The following DMXL1 variants were observed in gnomAD, a reference collection of about 807,000 sequenced individuals.
DMXL1 encodes the protein Dmx like 1, also known as dmX-like protein 1.
Under a neutral mutation model 319.2 loss-of-function variants are expected in DMXL1, and 99 were observed. That is an observed-to-expected ratio of 0.31 (90% CI 0.26 to 0.37). DMXL1 has a LOEUF of 0.37. DMXL1 is among the 10% of genes least tolerant of loss of function. The pLI, the probability that DMXL1 is intolerant of heterozygous loss-of-function variation, is 1.00. For missense variants in DMXL1, 3,745 were observed against 3,595.6 expected (o/e 1.04, Z -1.06); for synonymous variants, 1,385 against 1,235.2 (o/e 1.12, Z -2.54).
At chr5:119,152,980 T>C (rs1218799812) in intron 19 of DMXL1, among the ~76,000 whole-genome samples, 1 of 152,040 alleles carries the variant, frequency 6.6e-6, no homozygotes, top group Non-Finnish European at 1.5e-5. Context: ...TTTTAGTTTT[T>C]TTTTTTTCTT....
At position 119,150,252 on chromosome 5, in the gene DMXL1, G is replaced by A. The variant is rs1003905241; in HGVS notation, c.4425G>A (p.Gln1475=). The A allele has an allele frequency of 5.0e-6, 8 of 1,613,726 alleles. No individual in the cohort carries two copies. In the African/African-American group the frequency reaches 5.3e-5, roughly 11 times the overall value. ...NTKPRVIDLS[Q]YSPTYFGPEH... ...AGCCTAGAGTTATTGACCTTTCACA[G>A]TACAGTCCGACTTACTTTGGACCTG... is the stretch of plus-strand genomic sequence containing the variant. The change falls in exon 18 of 44, where the codon CAG becomes CAA. Residue 1475 remains glutamine (Q), a synonymous_variant. Transcript: ENST00000539542.
chr5:119,219,314 C>T (rs1167117858), intron 35 of DMXL1, among the ~76,000 whole-genome samples: 1 of 152,146 alleles, frequency 6.6e-6, no homozygotes, highest in African/African-American at 2.4e-5. Context: ...GTTATACAAA[C>T]ATCCTGGCAA....
chr5:119,131,563 C>A (rs1764907881), intron 10 of DMXL1, among the ~76,000 whole-genome samples: 2 of 152,136 alleles, frequency 1.3e-5, no homozygotes, highest in Admixed American at 1.3e-4. Flanking sequence ...AAAACTCAGT[C>A]CCAATTTTAG....
Position 119,170,888 on chromosome 5 carries a change from T to C in DMXL1, c.6097T>C (p.Cys2033Arg), listed in dbSNP as rs765294347. 1 of 1,612,868 alleles carries C rather than the reference T, an allele frequency of 6.2e-7. No homozygotes were observed. Among genetic ancestry groups the C allele is most frequent in the Non-Finnish European group, 8.5e-7 (1 of 1,179,748 alleles). Residue 2033 changes from cysteine to arginine, a missense_variant, in exon 24 of 44, where the codon TGT becomes CGT. Cys to Arg is a radical substitution (Grantham distance 180). Around this residue, in one of 4 missense-constraint regions of DMXL1, gnomAD observed 1,382 missense variants for 1,269.5 expected, o/e 1.09. Coordinates refer to ENST00000539542, the MANE Select transcript of DMXL1 (RefSeq NM_001290321.3). ...IIAVQLKFRACLKILTVELRT... is the reference protein window; with the variant it reads ...IIAVQLKFRARLKILTVELRT... Reference sequence around the variant, plus strand: ...TGCAGTTCAGTTAAAATTTAGAGCATGTTTAAAGATTCTCACAGTAGAACT... The same window carrying C: ...TGCAGTTCAGTTAAAATTTAGAGCACGTTTAAAGATTCTCACAGTAGAACT...
chr5:119,199,841 C>T (rs1780363729), intron 32 of DMXL1, among the ~76,000 whole-genome samples: 1 of 152,022 alleles, frequency 6.6e-6, no homozygotes, highest in Non-Finnish European at 1.5e-5. Context: ...TTATATTAAG[C>T]TTTTTTCTTA....
intron 19 of DMXL1, among the ~76,000 whole-genome samples, chr5:119,153,245 G>A (rs980390272): frequency 6.6e-6 from 1 of 152,114 alleles, no homozygotes; most frequent in African/African-American, 2.4e-5. Flanking sequence ...CCAAAGTGCT[G>A]GGCATTATGG....
intron 1 of DMXL1, among the ~76,000 whole-genome samples, chr5:119,075,261 A>G (rs1400776420): frequency 3.0e-5 from 4 of 131,296 alleles, no homozygotes; most frequent in African/African-American, 8.8e-5. Context: ...TTTTTTGGAG[A>G]CTGAGTATCA....
chr5:119,156,630 C>T (rs923838870), intron 19 of DMXL1, among the ~76,000 whole-genome samples: 2 of 151,822 alleles, frequency 1.3e-5, no homozygotes, highest in South Asian at 4.2e-4. Flanking sequence ...ATTGGTGGAT[C>T]ATGTGGTAAT....
chr5:119,125,308 C>G (rs1256258009), intron 9 of DMXL1, among the ~76,000 whole-genome samples: 2 of 152,116 alleles, frequency 1.3e-5, no homozygotes, highest in African/African-American at 2.4e-5. Flanking sequence ...GATTCATTAG[C>G]TTTACAGTTT....
At chr5:119,082,644 T>C (rs1223850040) in intron 1 of DMXL1, among the ~76,000 whole-genome samples, 2 of 152,242 alleles carry the variant, frequency 1.3e-5, no homozygotes, top group Non-Finnish European at 2.9e-5. Flanking sequence ...GATAATTTAA[T>C]ACATTCATAT....
chr5:119,236,049 A>C (rs1013542845), intron 39 of DMXL1, among the ~76,000 whole-genome samples: 1 of 151,228 alleles, frequency 6.6e-6, no homozygotes, highest in African/African-American at 2.4e-5. Context: ...TATTAGTCAT[A>C]TCAGTTAAAT....
chr5:119,231,894 T>C (rs1302839633), intron 38 of DMXL1, among the ~76,000 whole-genome samples: 1 of 152,200 alleles, frequency 6.6e-6, no homozygotes, highest in East Asian at 1.9e-4. Flanking sequence ...TACATTGAAT[T>C]GAGTTTTGAT....
At chr5:119,105,082 C>G in intron 3 of DMXL1, 98 bp from the exon 4 acceptor site, 1 of 740,604 alleles carries the variant, frequency 1.4e-6, no homozygotes, top group Non-Finnish European at 2.4e-6. Flanking sequence ...TTAAAATTGA[C>G]TGCCTGTGTT....
intron 32 of DMXL1, among the ~76,000 whole-genome samples, chr5:119,198,230 C>G (rs1780011925): frequency 6.6e-6 from 1 of 152,110 alleles, no homozygotes; most frequent in Non-Finnish European, 1.5e-5. Flanking sequence ...CTCAGGTGAT[C>G]CACCTGCCTC....
chr5:119,143,481 A>G (rs1202542754), intron 13 of DMXL1, among the ~76,000 whole-genome samples: 5 of 152,114 alleles, frequency 3.3e-5, no homozygotes, highest in Middle Eastern at 3.4e-3. Context: ...ATAGTATGTA[A>G]TCTTGTTTCT....
At chr5:119,224,043 C>T (rs947917948) in intron 37 of DMXL1, among the ~76,000 whole-genome samples, 6 of 151,196 alleles carry the variant, frequency 4.0e-5, no homozygotes, top group African/African-American at 1.5e-4. Flanking sequence ...TTTATTTATC[C>T]CTCTTCTTTT....
At chr5:119,095,256 T>C (rs1755675540) in intron 1 of DMXL1, among the ~76,000 whole-genome samples, 2 of 152,214 alleles carry the variant, frequency 1.3e-5, no homozygotes, top group South Asian at 4.1e-4. Flanking sequence ...AGTAGTAGTA[T>C]GATGCAGCAG....
chr5:119,091,607 C>G (rs909227960), intron 1 of DMXL1, among the ~76,000 whole-genome samples: 4 of 152,134 alleles, frequency 2.6e-5, no homozygotes, highest in African/African-American at 9.7e-5. Context: ...GATATCTTTA[C>G]TTGGAGATTC....
intron 1 of DMXL1, among the ~76,000 whole-genome samples, chr5:119,085,968 T>G (rs1415695106): frequency 6.6e-6 from 1 of 152,196 alleles, no homozygotes; most frequent in Non-Finnish European, 1.5e-5. Context: ...TTGGTTCTGT[T>G]AAGGTGATAT....
Sources: allele counts gnomAD v4.1 joint callset (sites outside exome capture counted in the v4.1 genomes callset), GRCh38; gene constraint gnomAD v4.1.1; regional missense constraint gnomAD v4.1.1; transcripts MANE v1.5; gene names NCBI Gene and HGNC (gene_info 2026-07-23, HGNC 2026-07-21).